The following CNTNAP2 variants were observed in gnomAD, a reference collection of about 807,000 sequenced individuals.
CNTNAP2 encodes contactin associated protein 2.
CNTNAP2 carries 98 observed loss-of-function variants against 155.2 expected under a neutral mutation model. That is an observed-to-expected ratio of 0.63 (90% CI 0.54 to 0.75). CNTNAP2 has a LOEUF of 0.75. CNTNAP2 is among the 30% of genes least tolerant of loss of function. The pLI is 0.00. For missense variants in CNTNAP2, 1,727 were observed against 1,688.1 expected (o/e 1.02, Z -0.40); for synonymous variants, 651 against 631.2 (o/e 1.03, Z -0.47).
chr7:147,854,209 G>A (rs535273295), intron 13 of CNTNAP2, among the ~76,000 whole-genome samples: 1 of 152,154 alleles, frequency 6.6e-6, no homozygotes, highest in Non-Finnish European at 1.5e-5. Context: ...GTAGAGAAGA[G>A]TTGCCGTTAT....
chr7:146,716,213 G>GAAAAAAAAAAAAA (rs571237905), intron 1 of CNTNAP2, among the ~76,000 whole-genome samples: 1 of 113,066 alleles, frequency 8.8e-6, no homozygotes, highest in Non-Finnish European at 1.9e-5. Context: ...AAGTCTGCAG[G>GAAAAAAAAAAAAA]AAAAAAAAAA....
At chr7:147,118,198 T>C (rs2129282079) in intron 5 of CNTNAP2, among the ~76,000 whole-genome samples, 1 of 152,294 alleles carries the variant, frequency 6.6e-6, no homozygotes, top group South Asian at 2.1e-4. Context: ...ATGGATCCTT[T>C]GTATTGTTCT....
At chr7:146,628,649 A>G (rs946083649) in intron 1 of CNTNAP2, among the ~76,000 whole-genome samples, 2 of 152,074 alleles carry the variant, frequency 1.3e-5, no homozygotes, top group Non-Finnish European at 2.9e-5. Flanking sequence ...AAAAAAGAAA[A>G]CTATGAACCC....
At position 146,522,453 on chromosome 7, in the gene CNTNAP2, G is replaced by A. The variant is rs118095025; in HGVS notation, c.98-251818G>A. On this transcript the variant is annotated intron_variant, in intron 1 of 23. Coordinates refer to ENST00000361727, the MANE Select transcript of CNTNAP2 (RefSeq NM_014141.6). ...TATTTGGCACATAGGACTAGGGTTTGTGATAACTACATCATACAACTCCAA... is the reference window on the plus strand; with the variant it reads ...TATTTGGCACATAGGACTAGGGTTTATGATAACTACATCATACAACTCCAA... 3.7e-3 allele frequency among the ~76,000 whole-genome samples: 570 copies of A among 152,154 alleles called. 4 individuals carry two copies. The highest frequency in any genetic ancestry group is 6.7e-3 in the Non-Finnish European group (455 of 67,986).
intron 4 of CNTNAP2, among the ~76,000 whole-genome samples, chr7:147,049,361 G>A (rs189282322): frequency 2.5e-4 from 38 of 152,070 alleles, no homozygotes; most frequent in Middle Eastern, 3.4e-3. Flanking sequence ...TATTTGTTAC[G>A]AAACACTTTC....
intron 1 of CNTNAP2, among the ~76,000 whole-genome samples, chr7:146,224,907 T>C (rs1218783783): frequency 6.6e-6 from 1 of 152,102 alleles, no homozygotes. Flanking sequence ...TAGGCCTGTA[T>C]AAAATAACAG....
chr7:147,681,919 T>C (rs1246913907), intron 13 of CNTNAP2, among the ~76,000 whole-genome samples: 1 of 151,824 alleles, frequency 6.6e-6, no homozygotes, highest in Non-Finnish European at 1.5e-5. Flanking sequence ...CACCCATGGA[T>C]AAAGGGGGAA....
chr7:147,525,396 CAGAAAT>C (rs1421787319), intron 11 of CNTNAP2, among the ~76,000 whole-genome samples: 2 of 152,010 alleles, frequency 1.3e-5, no homozygotes, highest in African/African-American at 4.8e-5. Context: ...CAAGGAAAGA[CAGAAAT>C]AGAGACAAAT....
chr7:146,803,221 A>G (rs1009820619), intron 2 of CNTNAP2, among the ~76,000 whole-genome samples: 11 of 152,206 alleles, frequency 7.2e-5, no homozygotes, highest in African/African-American at 2.4e-4. Flanking sequence ...AAAGAAAAGA[A>G]TAACTTCCCA....
intron 1 of CNTNAP2, among the ~76,000 whole-genome samples, chr7:146,760,360 C>A: frequency 6.9e-6 from 1 of 145,028 alleles, no homozygotes; most frequent in Non-Finnish European, 1.5e-5. Context: ...CTTCTCTTGT[C>A]ATTCCACTGC....
chr7:147,990,195 G>C (rs1043558056), intron 15 of CNTNAP2, among the ~76,000 whole-genome samples: 11 of 152,180 alleles, frequency 7.2e-5, no homozygotes, highest in Admixed American at 2.6e-4. Context: ...AGATGCACAG[G>C]GTGAGGTCGG....
chr7:146,188,761 A>G (rs975642388), intron 1 of CNTNAP2, among the ~76,000 whole-genome samples: 7 of 152,206 alleles, frequency 4.6e-5, no homozygotes, highest in Admixed American at 3.3e-4. Context: ...TGCATCTTAT[A>G]TCATGAATAG....
chr7:147,717,935 G>GTTT (rs564749848), intron 13 of CNTNAP2, among the ~76,000 whole-genome samples: 6 of 147,234 alleles, frequency 4.1e-5, no homozygotes, highest in Admixed American at 4.1e-4. Flanking sequence ...AATTTCCTCT[G>GTTT]TTTTTTTTTT....
chr7:146,483,436 T>C (rs1797009026), intron 1 of CNTNAP2, among the ~76,000 whole-genome samples: 1 of 149,220 alleles, frequency 6.7e-6, no homozygotes, highest in Non-Finnish European at 1.5e-5. Flanking sequence ...GGGTCAGATA[T>C]TGCCAAAGGA....
At chr7:146,934,334 T>C (rs1201166093) in intron 3 of CNTNAP2, among the ~76,000 whole-genome samples, 4 of 151,174 alleles carry the variant, frequency 2.6e-5, no homozygotes, top group Non-Finnish European at 4.4e-5. Context: ...AGTAAACTAT[T>C]ACAAGAACAA....
intron 21 of CNTNAP2, among the ~76,000 whole-genome samples, chr7:148,314,875 C>T (rs928386488): frequency 2.0e-5 from 3 of 152,162 alleles, no homozygotes; most frequent in Admixed American, 6.5e-5. Flanking sequence ...TTCCCCAGTC[C>T]GTGACCGGTG....
chr7:146,856,177 C>T (rs1293303021), intron 3 of CNTNAP2, among the ~76,000 whole-genome samples: 1 of 151,696 alleles, frequency 6.6e-6, no homozygotes, highest in Non-Finnish European at 1.5e-5. Flanking sequence ...TAATGCATTG[C>T]ACACCTTTAG....
intron 16 of CNTNAP2, among the ~76,000 whole-genome samples, chr7:148,141,957 T>C (rs1805081873): frequency 6.6e-6 from 1 of 152,194 alleles, no homozygotes; most frequent in South Asian, 2.1e-4. Context: ...GAAATAGATA[T>C]GGGGAGTACA....
intron 8 of CNTNAP2, among the ~76,000 whole-genome samples, chr7:147,242,110 C>G (rs1584814066): frequency 6.6e-6 from 1 of 152,154 alleles, no homozygotes; most frequent in Middle Eastern, 3.4e-3. Context: ...TTGACTTTCT[C>G]TCCTCCTTAC....
Sources: gnomAD v4.1 joint callset for allele counts (sites outside exome capture counted in the v4.1 genomes callset) on GRCh38, gnomAD v4.1.1 for gene constraint, MANE v1.5 for transcripts, NCBI Gene and HGNC (gene_info 2026-07-23, HGNC 2026-07-21) for gene names.